Variants in PDE7B observed in about 807,000 individuals in gnomAD.
PDE7B encodes phosphodiesterase 7B.
PDE7B carries 29 observed loss-of-function variants against 56.2 expected under a neutral mutation model. The observed-to-expected ratio is 0.52, with a 90% CI of 0.38 to 0.70. The LOEUF is 0.70. Among genes scored for constraint, PDE7B ranks in the 30% least tolerant of loss-of-function variants. PDE7B has a pLI of 0.00. For synonymous variants in PDE7B, 197 were observed against 196.9 expected, an observed-to-expected ratio of 1.00 and a Z score of 0.00; for missense variants, 490 against 565.0, an observed-to-expected ratio of 0.87 and a Z score of 1.35.
At chr6:135,920,057 T>C (rs1358273093) in intron 1 of PDE7B, among the ~76,000 whole-genome samples, 1 of 152,210 alleles carries the variant, frequency 6.6e-6, no homozygotes, top group African/African-American at 2.4e-5. Flanking sequence ...TTGTCTTAAG[T>C]ATCCTAGATA....
intron 2 of PDE7B, among the ~76,000 whole-genome samples, chr6:135,996,001 T>C (rs1321231850): frequency 6.6e-6 from 1 of 152,096 alleles, no homozygotes; most frequent in Non-Finnish European, 1.5e-5. Context: ...GAGAGAGAGT[T>C]GGTGCTTTTT....
chr6:135,889,540 A>G (rs902098111), intron 1 of PDE7B, among the ~76,000 whole-genome samples: 3 of 147,378 alleles, frequency 2.0e-5, no homozygotes, highest in African/African-American at 7.6e-5. Flanking sequence ...TCCTGGGTTC[A>G]AGTGATTCTC....
At chr6:136,058,443 T>A (rs900011551) in intron 2 of PDE7B, among the ~76,000 whole-genome samples, 13 of 152,088 alleles carry the variant, frequency 8.5e-5, no homozygotes, top group African/African-American at 2.9e-4. Flanking sequence ...CCATCCCACC[T>A]CCAGTGTCTA....
chr6:136,102,145 T>TAC (rs1777573711), intron 2 of PDE7B, among the ~76,000 whole-genome samples: 1 of 152,056 alleles, frequency 6.6e-6, no homozygotes, highest in Non-Finnish European at 1.5e-5. Flanking sequence ...GTGGGGATGA[T>TAC]ACACACACCT....
In PDE7B at chr6:136,192,631, T is replaced by C. The variant is rs1779249545; in HGVS notation, c.*791T>C. On this transcript the variant is annotated 3_prime_UTR_variant, in exon 13 of 13. Coordinates refer to ENST00000308191, the MANE Select transcript of PDE7B (RefSeq NM_018945.4). ...TGTTTATATTCACCCATGTACATTT[T>C]CTGTAAATACCAAACGCTACTGATT... 1 of 152,668 alleles carries C rather than the reference T, an allele frequency of 6.6e-6. No homozygotes were observed. Among genetic ancestry groups the C allele is most frequent in the Admixed American group, 6.5e-5 (1 of 15,288 alleles). The allele number at this position is 152,668 out of a possible 1,614,324, so 9.5% of individuals were successfully genotyped here.
chr6:135,977,254 C>T (rs945049946), intron 2 of PDE7B, among the ~76,000 whole-genome samples: 3 of 152,032 alleles, frequency 2.0e-5, no homozygotes, highest in Non-Finnish European at 2.9e-5. Context: ...GATGTCTACA[C>T]GATCATAGAT....
At chr6:135,991,957 TG>T (rs1424397158) in intron 2 of PDE7B, 1 of 152,256 alleles carries the variant, frequency 6.6e-6, no homozygotes, top group African/African-American at 2.4e-5. Context: ...TTTTGGTTTT[TG>T]TTGTTGCTTA....
intron 9 of PDE7B, among the ~76,000 whole-genome samples, chr6:136,177,044 G>T (rs1583926546): frequency 6.6e-6 from 1 of 151,812 alleles, no homozygotes; most frequent in East Asian, 1.9e-4. Context: ...AATGTTTGTG[G>T]TGAAACTATA....
intron 2 of PDE7B, among the ~76,000 whole-genome samples, chr6:135,958,540 C>CTTAGCAACT (rs35744216): frequency 0.41 from 61,502 of 151,698 alleles, 12,679 homozygotes; most frequent in Admixed American, 0.53. Flanking sequence ...CAAACCACCT[C>CTTAGCAACT]ATAAATATAT....
At chr6:136,054,630 A>G (rs1157612947) in intron 2 of PDE7B, among the ~76,000 whole-genome samples, 2 of 152,170 alleles carry the variant, frequency 1.3e-5, no homozygotes, top group East Asian at 3.9e-4. Flanking sequence ...CATTGAATCT[A>G]TAAATTACCT....
intron 2 of PDE7B, among the ~76,000 whole-genome samples, chr6:136,056,109 G>A (rs1163625290): frequency 2.0e-5 from 3 of 152,134 alleles, no homozygotes; most frequent in Non-Finnish European, 4.4e-5. Context: ...GAGGAATCTG[G>A]ATGGCACTAG....
At chr6:136,146,083 T>C (rs542189567) in intron 3 of PDE7B, among the ~76,000 whole-genome samples, 8 of 152,332 alleles carry the variant, frequency 5.3e-5, no homozygotes, top group African/African-American at 1.7e-4. Context: ...CAAACTGATT[T>C]TGGTCACTCA....
intron 2 of PDE7B, among the ~76,000 whole-genome samples, chr6:136,008,300 G>A (rs1412125876): frequency 1.3e-5 from 2 of 152,136 alleles, no homozygotes; most frequent in Non-Finnish European, 2.9e-5. Flanking sequence ...ACATACATGT[G>A]CATGTGTCTT....
At chr6:136,074,615 C>T (rs1262415147) in intron 2 of PDE7B, among the ~76,000 whole-genome samples, 1 of 152,182 alleles carries the variant, frequency 6.6e-6, no homozygotes, top group Non-Finnish European at 1.5e-5. Context: ...TCATTCTACT[C>T]CCTATCTCCA....
intron 2 of PDE7B, among the ~76,000 whole-genome samples, chr6:136,046,535 A>G (rs570159849): frequency 2.0e-5 from 3 of 152,296 alleles, no homozygotes; most frequent in Non-Finnish European, 4.4e-5. Flanking sequence ...TACCTATCCA[A>G]TGTTTCTCCT....
intron 2 of PDE7B, among the ~76,000 whole-genome samples, chr6:136,042,058 A>T (rs1776423043): frequency 6.6e-6 from 1 of 152,246 alleles, no homozygotes; most frequent in African/African-American, 2.4e-5. Context: ...CCAGAAAAAT[A>T]GTATTACCAT....
intron 2 of PDE7B, among the ~76,000 whole-genome samples, chr6:135,991,342 A>G (rs1775475886): frequency 6.6e-6 from 1 of 152,166 alleles, no homozygotes; most frequent in Non-Finnish European, 1.5e-5. Context: ...GTGTTGACTA[A>G]TTAGGTTGAT....
intron 9 of PDE7B, among the ~76,000 whole-genome samples, chr6:136,174,144 C>T (rs1778939253): frequency 6.6e-6 from 1 of 152,148 alleles, no homozygotes; most frequent in African/African-American, 2.4e-5. Flanking sequence ...AAACAGCTCT[C>T]AGTTTTCACA....
intron 2 of PDE7B, among the ~76,000 whole-genome samples, chr6:135,964,506 C>A (rs1231205811): frequency 6.6e-6 from 1 of 152,090 alleles, no homozygotes; most frequent in Admixed American, 6.5e-5. Flanking sequence ...CATTGTGACT[C>A]CAAAGAGCAG....
Sources: gnomAD v4.1 joint callset for allele counts (sites outside exome capture counted in the v4.1 genomes callset) on GRCh38, gnomAD v4.1.1 for gene constraint, MANE v1.5 for transcripts, NCBI Gene and HGNC (gene_info 2026-07-23, HGNC 2026-07-21) for gene names.